TRANK1: variants seen among roughly 807,000 people sequenced by gnomAD.
TRANK1 encodes TPR and ankyrin repeat-containing protein 1.
Under a neutral mutation model 266.0 loss-of-function variants are expected in TRANK1, and 198 were observed. The observed-to-expected ratio is 0.74, with a 90% CI of 0.66 to 0.84. TRANK1 has a LOEUF of 0.84. Among genes scored for constraint, TRANK1 ranks in the 40% least tolerant of loss-of-function variants. The pLI is 0.00. For missense variants in TRANK1, 3,326 were observed against 3,634.6 expected (o/e 0.92, Z 2.18); for synonymous variants, 1,396 against 1,384.1 (o/e 1.01, Z -0.19).
At chr3:36,912,199 A>G (rs556516174) in intron 1 of TRANK1, among the ~76,000 whole-genome samples, 3 of 152,198 alleles carry the variant, frequency 2.0e-5, no homozygotes, top group Admixed American at 6.5e-5. Context: ...AAAAAAAAAA[A>G]AAGTGCTATA....
intron 7 of TRANK1, among the ~76,000 whole-genome samples, chr3:36,891,527 C>T (rs2079695675): frequency 1.3e-5 from 2 of 152,192 alleles, no homozygotes; most frequent in Admixed American, 1.3e-4. Context: ...CTTTCTGGCA[C>T]TAAACTGCTA....
chr3:36,852,387 T>A (rs1455547480), intron 13 of TRANK1, 42 bp from the exon 14 acceptor site: 54 of 1,497,964 alleles, frequency 3.6e-5, no homozygotes, highest in Non-Finnish European at 4.8e-5. Flanking sequence ...ATTAACAACA[T>A]GGCTGAGTTT....
Position 36,857,901 on chromosome 3 carries a change from C to T in TRANK1, c.1821G>A (p.Val607=), listed in dbSNP as rs150341729. ...ILFQKGMLKR[V]KKLLDLLVKF... is the part of the protein sequence containing the mutation. ...TCACCAGCAGGTCTAACAGCTTCTT[C>T]ACGCGCTTTAGCATGCCCTTCTGGA... The change falls in exon 13 of 24, where the codon GTG becomes GTA. Residue 607 remains valine, a synonymous_variant. Transcript: ENST00000645898. The surrounding 1 kb of genome is among the most constrained non-coding windows in gnomAD (Gnocchi z 4.3). 276 of 1,610,732 alleles carry T rather than the reference C, an allele frequency of 1.7e-4. 3 individuals are homozygous for T. In the East Asian group the frequency reaches 5.8e-3, roughly 34 times the overall value.
Position 36,856,243 on chromosome 3 carries a change from G to C in TRANK1, c.3479C>G (p.Ala1160Gly). 1.2e-6 allele frequency: 2 copies of C among 1,612,710 alleles called. No individual in the cohort carries two copies. The highest frequency in any genetic ancestry group is 3.3e-5 in the Admixed American group (2 of 59,762). Reference protein sequence around the residue: ...VESIDEQEYEACAGGAGVEPA... With the variant: ...VESIDEQEYEGCAGGAGVEPA... ...CTCCACACCGGCTCCTCCTGCGCAG[G>C]CTTCATACTCCTGCTCATCTATGCT... Residue 1160 changes from alanine to glycine, a missense_variant, in exon 13 of 24, where the codon GCC becomes GGC. Physicochemically the swap from Ala to Gly is moderately conservative, Grantham distance 60. Transcript: ENST00000645898.
At position 36,883,906 on chromosome 3, in the gene TRANK1, G is replaced by A. The variant is rs544250445; in HGVS notation, c.907+5923C>T. On this transcript the variant is annotated intron_variant, in intron 8 of 23. Coordinates refer to ENST00000645898, the MANE Select transcript of TRANK1 (RefSeq NM_001329998.2). ...AACAAAACCATGGTAAAGGGAGTGGGAAAGAAAAGAACTACCAGTATCTTA... is the reference window on the plus strand; with the variant it reads ...AACAAAACCATGGTAAAGGGAGTGGAAAAGAAAAGAACTACCAGTATCTTA... 2.6e-5 allele frequency among the ~76,000 whole-genome samples: 4 copies of A among 152,132 alleles called. No homozygotes were observed. The South Asian group carries it at 8.3e-4, about 32-fold the overall frequency.
intron 15 of TRANK1, among the ~76,000 whole-genome samples, chr3:36,847,904 GAAT>G (rs762870477): frequency 6.6e-6 from 1 of 152,118 alleles, no homozygotes; most frequent in Non-Finnish European, 1.5e-5. Flanking sequence ...TATAAAATGA[GAAT>G]AATAATACTC....
At chr3:36,840,924 T>C (rs1342709364) in intron 18 of TRANK1, among the ~76,000 whole-genome samples, 2 of 152,254 alleles carry the variant, frequency 1.3e-5, no homozygotes, top group African/African-American at 4.8e-5. Context: ...TCAGGATTGT[T>C]ATGCAGCAAG....
intron 9 of TRANK1, among the ~76,000 whole-genome samples, chr3:36,866,510 A>G (rs1056538543): frequency 6.6e-6 from 1 of 152,226 alleles, no homozygotes; most frequent in Non-Finnish European, 1.5e-5. Flanking sequence ...GTATGCACTC[A>G]GGCAAAGTCC....
rs1000201884 is a variant in TRANK1, at chr3:36,911,474, A to C, written c.24-3020T>G. ...TTGTATTTACAAATACAAAAAAAAA[A>C]CTCTTCATTTCAATATTATTTTTCA... On this transcript the variant is annotated intron_variant, in intron 1 of 23. Coordinates refer to ENST00000645898, the MANE Select transcript of TRANK1 (RefSeq NM_001329998.2). 5.9e-5 allele frequency among the ~76,000 whole-genome samples: 9 copies of C among 152,238 alleles called. No homozygotes were observed. The South Asian group carries it at 6.2e-4, about 11-fold the overall frequency.
intron 15 of TRANK1, among the ~76,000 whole-genome samples, chr3:36,847,739 C>A (rs962570860): frequency 6.6e-6 from 1 of 152,270 alleles, no homozygotes; most frequent in East Asian, 1.9e-4. Flanking sequence ...ATACATGTGG[C>A]AGAATTTTCT....
At chr3:36,902,702 C>A (rs532162083) in intron 3 of TRANK1, among the ~76,000 whole-genome samples, 1 of 152,280 alleles carries the variant, frequency 6.6e-6, no homozygotes, top group East Asian at 1.9e-4. Context: ...TTTGTGTCAC[C>A]CACCCAGCTT....
chr3:36,860,850 C>A (rs564703404), intron 11 of TRANK1, 56 bp downstream of exon 11: 14 of 1,525,486 alleles, frequency 9.2e-6, no homozygotes, highest in Non-Finnish European at 1.1e-5. Flanking sequence ...GGCCTGGACT[C>A]CATCACGTGG....
chr3:36,853,794 T>A (rs890584118), intron 13 of TRANK1, among the ~76,000 whole-genome samples: 1 of 152,188 alleles, frequency 6.6e-6, no homozygotes, highest in Non-Finnish European at 1.5e-5. Flanking sequence ...ATTACACTCA[T>A]ATGAAATGTC....
intron 8 of TRANK1, among the ~76,000 whole-genome samples, chr3:36,888,845 T>A (rs1033761814): frequency 6.6e-6 from 1 of 152,148 alleles, no homozygotes; most frequent in Non-Finnish European, 1.5e-5. Context: ...TCACTTGAGG[T>A]CAGGAGTTCA....
intron 8 of TRANK1, among the ~76,000 whole-genome samples, chr3:36,889,071 T>G (rs548088217): frequency 6.6e-6 from 1 of 152,194 alleles, no homozygotes; most frequent in South Asian, 2.1e-4. Flanking sequence ...GTCCAACATC[T>G]CTTGCCATGA....
chr3:36,892,444 G>T, intron 6 of TRANK1, 104 bp from the exon 7 acceptor site: 3 of 1,364,636 alleles, frequency 2.2e-6, no homozygotes, highest in Non-Finnish European at 2.9e-6. Context: ...ACTTGGATTA[G>T]CTGTGGTCCA....
chr3:36,916,988 T>A (rs987939138), intron 1 of TRANK1, among the ~76,000 whole-genome samples: 4 of 151,880 alleles, frequency 2.6e-5, no homozygotes, highest in Admixed American at 2.0e-4. Context: ...GCTAATTTTT[T>A]AATTTTTAGT....
At position 36,901,625 on chromosome 3, in the gene TRANK1, C is replaced by G. The variant is rs116537799; in HGVS notation, c.282+1524G>C. Among the ~76,000 whole-genome samples the G allele has an allele frequency of 4.4e-3, 672 of 152,336 alleles. 5 individuals are homozygous for G. The highest frequency in any genetic ancestry group is 0.031 in the Middle Eastern group (9 of 294). ...GTGCTTTTCTCTCGTTAATCTGTCT[C>G]TTGTCAATCTGATTTGCAAGGCCTC... On this transcript the variant is annotated intron_variant, in intron 3 of 23. Transcript: ENST00000645898.
At chr3:36,901,950 A>T (rs1285637974) in intron 3 of TRANK1, among the ~76,000 whole-genome samples, 1 of 152,194 alleles carries the variant, frequency 6.6e-6, no homozygotes, top group Admixed American at 6.5e-5. Context: ...ATATCCTAAA[A>T]TACCTTTGGG....
Sources: gnomAD v4.1 joint callset for allele counts (sites outside exome capture counted in the v4.1 genomes callset) on GRCh38, gnomAD v4.1.1 for gene constraint, Gnocchi (gnomAD v3.1) non-coding constraint, MANE v1.5 for transcripts, NCBI Gene and HGNC (gene_info 2026-07-23, HGNC 2026-07-21) for gene names.